PLG: variants seen among roughly 807,000 people sequenced by gnomAD.
The protein encoded by PLG is plasminogen, also known as plasmin.
A neutral mutation model predicts 104.4 loss-of-function variants in PLG; 41 were observed. The ratio of observed to expected loss-of-function variants is 0.39; its 90% CI spans 0.31 to 0.51. The LOEUF (loss-of-function observed/expected upper bound fraction) is 0.51. Ranked by LOEUF, PLG falls within the 20% of genes least tolerant of loss-of-function variation. PLG has a pLI of 0.76. For synonymous variants in PLG, 337 were observed against 357.1 expected (o/e 0.94, Z 0.63); for missense variants, 891 against 1,003.6 (o/e 0.89, Z 1.52).
intron 17 of PLG, among the ~76,000 whole-genome samples, chr6:160,748,400 G>GCAA (rs1562383460): frequency 3.8e-5 from 1 of 26,542 alleles, no homozygotes; most frequent in Non-Finnish European, 7.3e-5. Context: ...AAGAAAGAAA[G>GCAA]GAAGAAAGAA....
At chr6:160,751,915 T>G (rs550314511) in intron 17 of PLG, among the ~76,000 whole-genome samples, 200 bp from the exon 18 acceptor site, 2 of 152,284 alleles carry the variant, frequency 1.3e-5, no homozygotes, top group Admixed American at 1.3e-4. Context: ...AAGCCCAGAT[T>G]GTTAATTCCA....
rs1778062673 is a variant in PLG at position 160,734,949 on chromosome 6, C to T, written c.1681+861C>T. On this transcript the variant is annotated intron_variant, in intron 13 of 18. Transcript: ENST00000308192. This position sits in a 1 kb window ranked among gnomAD's most constrained non-coding sequence, Gnocchi z 4.4. ...GGCCTCCAAGTCCACTGAAGACCAG[C>T]ATCCTGAGATTGCCTGGGAAGGTGG... is the stretch of plus-strand genomic sequence containing the variant. 6.6e-6 allele frequency among the ~76,000 whole-genome samples: 1 copy of T among 152,050 alleles called. No individual in the cohort carries two copies. Among genetic ancestry groups the T allele is most frequent in the South Asian group, 2.1e-4 (1 of 4,822 alleles).
In PLG at chr6:160,719,330, T is replaced by C. The variant is rs910865042; in HGVS notation, c.1096+492T>C. ...AAAGGACCCCTTTATCTTTATGTAA[T>C]GTTTCTTCTTATCTCTGGGAATATT... On this transcript the variant is annotated intron_variant, in intron 9 of 18. Coordinates refer to ENST00000308192, the MANE Select transcript of PLG (RefSeq NM_000301.5). The surrounding 1 kb of genome is among the most constrained non-coding windows in gnomAD (Gnocchi z 4.1). Among the ~76,000 whole-genome samples, 1 of 152,232 alleles carries C rather than the reference T, an allele frequency of 6.6e-6. No individual in the cohort carries two copies.
chr6:160,748,557 T>G (rs913710433), intron 17 of PLG, among the ~76,000 whole-genome samples: 2 of 151,422 alleles, frequency 1.3e-5, no homozygotes, highest in African/African-American at 4.9e-5. Context: ...GGAGAAACAA[T>G]AAGAAAGTGC....
At position 160,738,624 on chromosome 6, in the gene PLG, G is replaced by A. The variant is rs1350547330; in HGVS notation, c.1877+12G>A. ...CACTGCTTGGAGAAGTATGTTTAGG[G>A]GACAATTGACATGAAGTCTTGTCTT... On this transcript the variant is annotated intron_variant, in intron 15 of 18. Coordinates refer to ENST00000308192, the MANE Select transcript of PLG (RefSeq NM_000301.5). This position sits in a 1 kb window ranked among gnomAD's most constrained non-coding sequence, Gnocchi z 6.8. 1 of 1,551,082 alleles carries A rather than the reference G, an allele frequency of 6.4e-7. No homozygotes were observed. Among genetic ancestry groups the A allele is most frequent in the Non-Finnish European group, 8.9e-7 (1 of 1,122,492 alleles).
At position 160,724,084 on chromosome 6, in the gene PLG, C is replaced by T. The variant is rs1188397378; in HGVS notation, c.1256+1517C>T. ...CACAATGTGTGACCTAAATTTATAA[C>T]TTTACCAGACATACAAAAAGCATTT... On this transcript the variant is annotated intron_variant, in intron 10 of 18. Coordinates refer to ENST00000308192, the MANE Select transcript of PLG (RefSeq NM_000301.5). The surrounding 1 kb of genome is among the most constrained non-coding windows in gnomAD (Gnocchi z 5.0). Among the ~76,000 whole-genome samples, 1 of 152,146 alleles carries T rather than the reference C, an allele frequency of 6.6e-6. No homozygotes were observed. Among genetic ancestry groups the T allele is most frequent in the Non-Finnish European group, 1.5e-5 (1 of 68,032 alleles).
chr6:160,728,692 T>C (rs1361119072), intron 10 of PLG, among the ~76,000 whole-genome samples: 1 of 152,072 alleles, frequency 6.6e-6, no homozygotes, highest in African/African-American at 2.4e-5. Flanking sequence ...CGGATATCCA[T>C]CTAGAAAACA....
At chr6:160,703,969 G>C (rs945550535) in intron 1 of PLG, among the ~76,000 whole-genome samples, 4 of 152,116 alleles carry the variant, frequency 2.6e-5, no homozygotes, top group Non-Finnish European at 5.9e-5. Context: ...ATGCTTAGTG[G>C]GAAGTGGAGA....
At chr6:160,727,774 T>C (rs575616780) in intron 10 of PLG, among the ~76,000 whole-genome samples, 16 of 152,016 alleles carry the variant, frequency 1.1e-4, no homozygotes, top group Non-Finnish European at 1.6e-4. Flanking sequence ...AGACTGGAAC[T>C]TCTTTAACTT....
intron 17 of PLG, among the ~76,000 whole-genome samples, chr6:160,746,445 A>C (rs537196587): frequency 6.6e-6 from 1 of 152,266 alleles, no homozygotes; most frequent in South Asian, 2.1e-4. Context: ...GCTTTGTGAA[A>C]TTCTTACAGT....
chr6:160,732,453 C>G lies in PLG; in HGVS notation c.1587+560C>G, dbSNP rs529299187. ...GATGTGGGGGGATTTCTCCTCACACCCCAAGCGAGTCTCCAGCAGATACCA... is the reference window on the plus strand; with the variant it reads ...GATGTGGGGGGATTTCTCCTCACACGCCAAGCGAGTCTCCAGCAGATACCA... On this transcript the variant is annotated intron_variant, in intron 12 of 18. Transcript: ENST00000308192. The surrounding 1 kb of genome is among the most constrained non-coding windows in gnomAD (Gnocchi z 4.5). 6.6e-6 allele frequency among the ~76,000 whole-genome samples: 1 copy of G among 152,082 alleles called. No individual in the cohort carries two copies. Among genetic ancestry groups the G allele is most frequent in the South Asian group, 2.1e-4 (1 of 4,818 alleles).
Position 160,749,315 on chromosome 6 carries a change from A to C in PLG, c.2126-2800A>C, listed in dbSNP as rs370883408. On this transcript the variant is annotated intron_variant, in intron 17 of 18. Coordinates refer to ENST00000308192, the MANE Select transcript of PLG (RefSeq NM_000301.5). ...ACAACTACCATCATCATCCCCACCA[A>C]CATCATCACCACCACCACCATCACA... 1.3e-3 allele frequency among the ~76,000 whole-genome samples: 202 copies of C among 151,892 alleles called. 2 individuals are homozygous for C. Among genetic ancestry groups the C allele is most frequent in the African/African-American group, 4.7e-3 (193 of 41,402 alleles).
At position 160,740,772 on chromosome 6, in the gene PLG, G is replaced by T. The variant is rs1778178586; in HGVS notation, c.2019-539G>T. Among the ~76,000 whole-genome samples the T allele has an allele frequency of 6.6e-6, 1 of 152,158 alleles. No homozygotes were observed. The highest frequency in any genetic ancestry group is 1.5e-5 in the Non-Finnish European group (1 of 68,020). On this transcript the variant is annotated intron_variant, in intron 16 of 18. Coordinates refer to ENST00000308192, the MANE Select transcript of PLG (RefSeq NM_000301.5). The surrounding 1 kb of genome is among the most constrained non-coding windows in gnomAD (Gnocchi z 5.2). Reference sequence around the variant, plus strand: ...AAATACCATTTTGTTCAAGCAAAAGGCTTATTTCCAATCCTCTTTCATTTG... The same window carrying T: ...AAATACCATTTTGTTCAAGCAAAAGTCTTATTTCCAATCCTCTTTCATTTG...
intron 8 of PLG, 43 bp from the exon 9 acceptor site, chr6:160,718,650 T>G (rs1562374932): frequency 6.2e-7 from 1 of 1,608,824 alleles, no homozygotes; most frequent in Non-Finnish European, 8.5e-7. Context: ...CCCTAGACTT[T>G]TTTCTTTTTG....
At chr6:160,704,166 T>A (rs1033681267) in intron 1 of PLG, among the ~76,000 whole-genome samples, 6 of 152,194 alleles carry the variant, frequency 3.9e-5, no homozygotes, top group African/African-American at 1.4e-4. Context: ...GATGTTTCCT[T>A]GCCAGCAAAT....
In PLG at chr6:160,739,871, C is replaced by A. The variant is rs1778159914; in HGVS notation, c.2018+663C>A. On this transcript the variant is annotated intron_variant, in intron 16 of 18. Transcript: ENST00000308192. This position sits in a 1 kb window ranked among gnomAD's most constrained non-coding sequence, Gnocchi z 4.4. ...ATGTAAATTATATTATTATTATTGT[C>A]TTCTTTGATTTGATTTTCTCTTTCC... 6.6e-6 allele frequency among the ~76,000 whole-genome samples: 1 copy of A among 151,302 alleles called. No individual in the cohort carries two copies. The highest frequency in any genetic ancestry group is 1.5e-5 in the Non-Finnish European group (1 of 67,894).
In PLG at chr6:160,736,891, C is replaced by G. The variant is rs1778090593; in HGVS notation, c.1686C>G (p.Ala562=). Residue 562 remains alanine, a synonymous_variant, in exon 14 of 19, where the codon GCC becomes GCG. Coordinates refer to ENST00000308192, the MANE Select transcript of PLG (RefSeq NM_000301.5). This position sits in a 1 kb window ranked among gnomAD's most constrained non-coding sequence, Gnocchi z 5.2. ...YDYCDVPQCA[A]PSFDCGKPQV... ...CTTTCCCACCTTGTGCCACAGCGGC[C>G]CCTTCATTTGATTGTGGGAAGCCTC... 6.2e-7 allele frequency: 1 copy of G among 1,613,752 alleles called. No individual in the cohort carries two copies. The highest frequency in any genetic ancestry group is 1.3e-5 in the African/African-American group (1 of 74,882).
In PLG at chr6:160,734,310, G is replaced by A. The variant is rs1039953876; in HGVS notation, c.1681+222G>A. On this transcript the variant is annotated intron_variant, in intron 13 of 18. Coordinates refer to ENST00000308192, the MANE Select transcript of PLG (RefSeq NM_000301.5). The surrounding 1 kb of genome is among the most constrained non-coding windows in gnomAD (Gnocchi z 4.4). ...CCAGGCACACATAAATAAAATAAAT[G>A]TAAAATTCCCAAAGAGCAAGCTTAG... 9.9e-5 allele frequency among the ~76,000 whole-genome samples: 15 copies of A among 152,052 alleles called. No homozygotes were observed. Among genetic ancestry groups the A allele is most frequent in the Admixed American group, 7.9e-4 (12 of 15,264 alleles).
Position 160,736,758 on chromosome 6 carries a change from G to T in PLG, c.1682-129G>T. The stretch of plus-strand genomic sequence containing the variant: ...GAAACTTAGAGAAAATGTTCCAAAA[G>T]ATGATGATTTTACTATTTAGTTCGG... On this transcript the variant is annotated intron_variant, in intron 13 of 18. Transcript: ENST00000308192. The surrounding 1 kb of genome is among the most constrained non-coding windows in gnomAD (Gnocchi z 5.2). The T allele has an allele frequency of 8.4e-7, 1 of 1,191,046 alleles. No homozygotes were observed. The highest frequency in any genetic ancestry group is 1.2e-6 in the Non-Finnish European group (1 of 816,368). The allele number at this position is 1,191,046 out of a possible 1,614,324, so 73.8% of individuals were successfully genotyped here. A position where few individuals can be genotyped will look rare whatever the true frequency, so the allele number is the denominator to read the frequency against.
Sources: gnomAD v4.1 joint callset for allele counts (sites outside exome capture counted in the v4.1 genomes callset) on GRCh38, gnomAD v4.1.1 for gene constraint, Gnocchi (gnomAD v3.1) non-coding constraint, MANE v1.5 for transcripts, NCBI Gene and HGNC (gene_info 2026-07-23, HGNC 2026-07-21) for gene names.